PTPRD: variants seen among roughly 807,000 people sequenced by gnomAD.
PTPRD encodes the protein receptor-type tyrosine-protein phosphatase delta.
A neutral mutation model predicts 214.5 loss-of-function variants in PTPRD; 34 were observed. That is an observed-to-expected ratio of 0.16 (90% confidence interval 0.12 to 0.21). The LOEUF (loss-of-function observed/expected upper bound fraction) is 0.21, where lower values mean the gene tolerates loss of function less well. Ranked by LOEUF, PTPRD falls within the 10% of genes least tolerant of loss-of-function variation. The probability of loss-of-function intolerance (pLI) is 1.00; values close to 1 mark genes in which losing one functional copy is unlikely to be tolerated. For missense variants in PTPRD, 2,545 were observed against 2,398.7 expected, an observed-to-expected ratio of 1.06 and a Z score of -1.27; for synonymous variants, 1,128 against 845.7, an observed-to-expected ratio of 1.33 and a Z score of -5.79.
intron 2 of PTPRD, among the ~76,000 whole-genome samples, chr9:10,480,369 A>T (rs540334277): frequency 6.6e-6 from 1 of 152,306 alleles, no homozygotes; most frequent in East Asian, 1.9e-4. Context: ...TAGGATTATA[A>T]GGGGAATGAA....
intron 3 of PTPRD, among the ~76,000 whole-genome samples, chr9:10,300,916 T>C (rs1201111508): frequency 6.6e-6 from 1 of 152,054 alleles, no homozygotes; most frequent in East Asian, 1.9e-4. Context: ...CGAGCTCTGA[T>C]AAGGGTCAGA....
At chr9:8,783,664 T>C (rs1019414255) in intron 11 of PTPRD, among the ~76,000 whole-genome samples, 1 of 152,074 alleles carries the variant, frequency 6.6e-6, no homozygotes, top group Non-Finnish European at 1.5e-5. Context: ...TGCTTGAGAG[T>C]GGCCACTGCT....
intron 2 of PTPRD, among the ~76,000 whole-genome samples, chr9:10,438,031 T>G (rs933418575): frequency 2.3e-5 from 3 of 129,944 alleles, no homozygotes; most frequent in African/African-American, 1.1e-4. Flanking sequence ...ATATATATAG[T>G]GAAGGGTCAT....
chr9:8,402,264 G>A (rs994399830), intron 36 of PTPRD, among the ~76,000 whole-genome samples: 1 of 152,078 alleles, frequency 6.6e-6, no homozygotes, highest in African/African-American at 2.4e-5. Flanking sequence ...AAAAAGACAG[G>A]TTTTCGTGTG....
intron 9 of PTPRD, among the ~76,000 whole-genome samples, chr9:9,394,541 C>T (rs1441155597): frequency 6.6e-6 from 1 of 151,920 alleles, no homozygotes; most frequent in East Asian, 1.9e-4. Context: ...TATTTTTGTG[C>T]CCCAGTTTTC....
chr9:8,697,234 A>C (rs1250652435), intron 12 of PTPRD, among the ~76,000 whole-genome samples: 2 of 152,022 alleles, frequency 1.3e-5, no homozygotes, highest in Admixed American at 6.6e-5. Flanking sequence ...AAGGGAGAAA[A>C]GGGCTTTTAC....
At chr9:8,535,585 G>A (rs2076734973) in intron 14 of PTPRD, among the ~76,000 whole-genome samples, 1 of 151,862 alleles carries the variant, frequency 6.6e-6, no homozygotes, top group African/African-American at 2.4e-5. Context: ...TATCATGGCA[G>A]GCATTTTTCT....
rs528988007 is a variant in PTPRD, at chr9:8,967,844, C to T, written c.-104+50853G>A. On this transcript the variant is annotated intron_variant, in intron 11 of 45. Coordinates refer to ENST00000381196, the MANE Select transcript of PTPRD (RefSeq NM_002839.4). ...TGTATACCTGTGCCATGTTGGTGTG[C>T]TGCATCCATTAACTCGTCATTTAGC... Among the ~76,000 whole-genome samples the T allele has an allele frequency of 2.0e-5, 3 of 152,148 alleles. No individual in the cohort carries two copies. In the East Asian group the frequency reaches 5.8e-4, roughly 30 times the overall value.
At chr9:9,684,711 A>G (rs28541297) in intron 7 of PTPRD, among the ~76,000 whole-genome samples, 4 of 148,312 alleles carry the variant, frequency 2.7e-5, no homozygotes, top group East Asian at 2.0e-4. Context: ...GTGTGTGTGT[A>G]TGTGTGTGTG....
intron 7 of PTPRD, among the ~76,000 whole-genome samples, chr9:9,586,654 T>A (rs886755423): frequency 1.3e-5 from 2 of 151,964 alleles, no homozygotes; most frequent in Non-Finnish European, 2.9e-5. Flanking sequence ...AATACTCACT[T>A]TTCGCTACCA....
intron 9 of PTPRD, among the ~76,000 whole-genome samples, chr9:9,391,504 GTGA>G (rs1323587719): frequency 1.3e-5 from 2 of 152,242 alleles, no homozygotes; most frequent in Non-Finnish European, 2.9e-5. Context: ...ACTCTAGCAA[GTGA>G]TGAATTTGCA....
intron 3 of PTPRD, among the ~76,000 whole-genome samples, chr9:10,196,402 A>G (rs1341685954): frequency 6.6e-6 from 1 of 152,168 alleles, no homozygotes; most frequent in African/African-American, 2.4e-5. Context: ...AAGTGCCAGA[A>G]GTATTAGTTC....
intron 2 of PTPRD, among the ~76,000 whole-genome samples, chr9:10,357,426 C>T (rs1239090612): frequency 5.9e-5 from 9 of 152,170 alleles, no homozygotes; most frequent in Admixed American, 5.9e-4. Context: ...TTGGCTTTTA[C>T]TTGATGCATG....
chr9:10,019,009 A>C (rs1475744629), intron 4 of PTPRD, among the ~76,000 whole-genome samples: 1 of 152,114 alleles, frequency 6.6e-6, no homozygotes, highest in African/African-American at 2.4e-5. Context: ...AATGGGAGAA[A>C]ATTTTTGCAA....
intron 10 of PTPRD, among the ~76,000 whole-genome samples, chr9:9,102,621 G>T (rs1014465704): frequency 1.3e-5 from 2 of 152,198 alleles, no homozygotes; most frequent in African/African-American, 4.8e-5. Flanking sequence ...GGCTGATTAC[G>T]TAGATAATTT....
chr9:8,785,649 A>G (rs189575471), intron 11 of PTPRD, among the ~76,000 whole-genome samples: 102 of 152,336 alleles, frequency 6.7e-4, no homozygotes, highest in African/African-American at 2.4e-3. Flanking sequence ...CTTAACAAAT[A>G]AAGTACAAAA....
At chr9:10,363,931 G>T (rs1213672515) in intron 2 of PTPRD, among the ~76,000 whole-genome samples, 1 of 143,116 alleles carries the variant, frequency 7.0e-6, no homozygotes, top group Non-Finnish European at 1.5e-5. Flanking sequence ...AATTTTTTTT[G>T]CTTCCCAGGC....
chr9:9,283,833 GAATAA>G, intron 9 of PTPRD, among the ~76,000 whole-genome samples: 1 of 151,658 alleles, frequency 6.6e-6, no homozygotes, highest in Admixed American at 6.6e-5. Context: ...AGCCCAAACT[GAATAA>G]TTCTGAGTAC....
chr9:8,687,495 C>T (rs890809020), intron 12 of PTPRD, among the ~76,000 whole-genome samples: 3 of 152,180 alleles, frequency 2.0e-5, no homozygotes, highest in African/African-American at 7.2e-5. Flanking sequence ...AGGCTTCTTG[C>T]ACTTGATATG....
Sources: gnomAD v4.1 joint callset for allele counts (sites outside exome capture counted in the v4.1 genomes callset) on GRCh38, gnomAD v4.1.1 for gene constraint, MANE v1.5 for transcripts, NCBI Gene and HGNC (gene_info 2026-07-23, HGNC 2026-07-21) for gene names.